RBFOX1: variants seen among roughly 807,000 people sequenced by gnomAD.
The protein encoded by RBFOX1 is RNA binding fox-1 homolog 1.
In RBFOX1, 8 loss-of-function variants were observed where a neutral mutation model predicts 57.7. The observed-to-expected ratio is 0.14, with a 90% confidence interval of 0.08 to 0.25. The LOEUF (loss-of-function observed/expected upper bound fraction) is 0.25. RBFOX1 is among the 10% of genes least tolerant of loss of function. The pLI is 1.00. For synonymous variants in RBFOX1, 326 were observed against 222.4 expected (o/e 1.47, Z -4.15); for missense variants, 611 against 548.5 (o/e 1.11, Z -1.14).
chr16:5,636,911 C>G (rs1341522340), intron 3 of RBFOX1, among the ~76,000 whole-genome samples: 2 of 152,172 alleles, frequency 1.3e-5, no homozygotes, highest in African/African-American at 2.4e-5. Flanking sequence ...AGCCTCTGAC[C>G]AGGAGGCCTG....
chr16:6,756,329 G>T (rs1381425803), intron 3 of RBFOX1, among the ~76,000 whole-genome samples: 1 of 152,028 alleles, frequency 6.6e-6, no homozygotes, highest in East Asian at 1.9e-4. Flanking sequence ...AACTCAAAAT[G>T]CATTAAAGAT....
intron 4 of RBFOX1, among the ~76,000 whole-genome samples, chr16:7,278,161 G>A (rs887130194): frequency 1.3e-5 from 2 of 152,260 alleles, no homozygotes; most frequent in South Asian, 4.2e-4. Context: ...TGTGCACGTG[G>A]TTTTAAGTTG....
intron 3 of RBFOX1, among the ~76,000 whole-genome samples, chr16:6,955,834 T>G (rs2081702496): frequency 6.6e-6 from 1 of 151,944 alleles, no homozygotes; most frequent in African/African-American, 2.4e-5. Context: ...GCCTCCTGAG[T>G]TGCTGGGATT....
intron 3 of RBFOX1, among the ~76,000 whole-genome samples, chr16:6,764,797 C>T (rs1236389819): frequency 6.6e-6 from 1 of 151,880 alleles, no homozygotes; most frequent in East Asian, 1.9e-4. Flanking sequence ...ATTAGCTAGG[C>T]ATGGTGACGG....
At chr16:6,431,274 G>A (rs2094075161) in intron 2 of RBFOX1, among the ~76,000 whole-genome samples, 2 of 152,194 alleles carry the variant, frequency 1.3e-5, no homozygotes, top group South Asian at 4.2e-4. Context: ...AGGATCCTAT[G>A]GCTGTGGATG....
At chr16:6,197,761 A>G (rs1010468101) in intron 1 of RBFOX1, among the ~76,000 whole-genome samples, 7 of 151,918 alleles carry the variant, frequency 4.6e-5, no homozygotes, top group Non-Finnish European at 8.8e-5. Context: ...CCCGGTATCC[A>G]ATAATTATTT....
chr16:6,906,933 A>G (rs953167587), intron 3 of RBFOX1, among the ~76,000 whole-genome samples: 4 of 152,130 alleles, frequency 2.6e-5, no homozygotes, highest in Non-Finnish European at 5.9e-5. Context: ...CATGTTGGCC[A>G]GGCTGGTCTT....
At chr16:6,908,656 G>A (rs924304938) in intron 3 of RBFOX1, among the ~76,000 whole-genome samples, 1 of 152,104 alleles carries the variant, frequency 6.6e-6, no homozygotes, top group Non-Finnish European at 1.5e-5. Flanking sequence ...CCAGAATATG[G>A]CCCTCTAATT....
At chr16:5,599,489 A>G (rs1408038772) in exon 3 of RBFOX1, 2 of 496,074 alleles carry the variant, frequency 4.0e-6, no homozygotes, top group Non-Finnish European at 7.1e-6. Context: ...GTGGCCAGGA[A>G]GTTCCCTGCA....
intron 4 of RBFOX1, among the ~76,000 whole-genome samples, chr16:7,186,375 A>G (rs1335305487): frequency 1.9e-5 from 1 of 53,366 alleles, no homozygotes; most frequent in Non-Finnish European, 3.0e-5. Flanking sequence ...TATAAATATA[A>G]ACATAAACAT....
intron 3 of RBFOX1, among the ~76,000 whole-genome samples, chr16:6,745,041 C>G (rs1033125177): frequency 2.0e-5 from 3 of 151,876 alleles, no homozygotes; most frequent in East Asian, 3.9e-4. Flanking sequence ...AAAATAAGAT[C>G]ATATTATGAA....
intron 3 of RBFOX1, among the ~76,000 whole-genome samples, chr16:6,973,130 T>C (rs1337579550): frequency 6.6e-6 from 1 of 151,118 alleles, no homozygotes; most frequent in East Asian, 2.0e-4. Context: ...GACTCCATTG[T>C]CTAAATAAAT....
chr16:5,775,192 A>G (rs577880030), intron 3 of RBFOX1, among the ~76,000 whole-genome samples: 1 of 152,260 alleles, frequency 6.6e-6, no homozygotes, highest in East Asian at 1.9e-4. Flanking sequence ...CTTTTGGAAT[A>G]CCCTAACGGG....
chr16:7,421,341 A>G (rs1407188552), intron 4 of RBFOX1, among the ~76,000 whole-genome samples: 1 of 152,126 alleles, frequency 6.6e-6, no homozygotes, highest in Non-Finnish European at 1.5e-5. Flanking sequence ...TGATTCTTAA[A>G]CTGCATGTAT....
chr16:7,141,667 TGTTTACAAGGGATG>T (rs2073825207), intron 4 of RBFOX1, among the ~76,000 whole-genome samples: 2 of 152,218 alleles, frequency 1.3e-5, no homozygotes, highest in Non-Finnish European at 1.5e-5. Flanking sequence ...CTAACTTTAG[TGTTTACAAGGGATG>T]AGCTACTATA....
In RBFOX1 at chr16:6,206,777, C is replaced by G. The variant is rs2097258151; in HGVS notation, c.-126-110218C>G. ...AATACCAGAAGGTGCAGCAGGCTCT[C>G]CCTCCCTTTTACTTTAATGGTGGGT... On this transcript the variant is annotated intron_variant, in intron 1 of 15. Coordinates refer to ENST00000550418, the MANE Select transcript of RBFOX1 (RefSeq NM_018723.4). Among the ~76,000 whole-genome samples the G allele has an allele frequency of 2.6e-5, 4 of 152,280 alleles. No individual in the cohort carries two copies. In the South Asian group the frequency reaches 8.3e-4, roughly 32 times the overall value.
At chr16:5,612,995 C>T (rs994303134) in intron 3 of RBFOX1, among the ~76,000 whole-genome samples, 6 of 152,274 alleles carry the variant, frequency 3.9e-5, no homozygotes, top group South Asian at 4.1e-4. Flanking sequence ...GTAGAATGGA[C>T]TCCATTTTAC....
chr16:7,144,417 CT>C lies in RBFOX1; in HGVS notation c.27+92340del, dbSNP rs1190886141. 1.7e-3 allele frequency among the ~76,000 whole-genome samples: 113 copies of C among 66,930 alleles called. 1 individual carries two copies. Among genetic ancestry groups the C allele is most frequent in the African/African-American group, 5.6e-3 (92 of 16,502 alleles). The allele number at this position is 66,930 out of a possible 152,430, so 43.9% of individuals were successfully genotyped here. A position where few individuals can be genotyped will look rare whatever the true frequency, so the allele number is the denominator to read the frequency against. On this transcript the variant is annotated intron_variant, in intron 4 of 15. Transcript: ENST00000550418. ...TCTTTTCTCTTTCTTTTTCTTTCTTCTTTTTTTTTTTTTTTTTTTTTGAGTC... is the reference window on the plus strand; with the variant it reads ...TCTTTTCTCTTTCTTTTTCTTTCTTCTTTTTTTTTTTTTTTTTTTTGAGTC...
chr16:7,631,218 T>A (rs1468074294), intron 11 of RBFOX1, among the ~76,000 whole-genome samples: 6 of 152,300 alleles, frequency 3.9e-5, no homozygotes, highest in Admixed American at 3.9e-4. Context: ...TCCCCCCTCA[T>A]TTAATCAAGT....
Sources: gnomAD v4.1 joint callset for allele counts (sites outside exome capture counted in the v4.1 genomes callset) on GRCh38, gnomAD v4.1.1 for gene constraint, MANE v1.5 for transcripts, NCBI Gene and HGNC (gene_info 2026-07-23, HGNC 2026-07-21) for gene names.